Variants in ATRNL1 observed in about 807,000 individuals in gnomAD.
ATRNL1 encodes the protein attractin like 1.
In ATRNL1, 95 loss-of-function variants were observed where a neutral mutation model predicts 182.7. The observed-to-expected ratio is 0.52, with a 90% CI of 0.44 to 0.62. The LOEUF is 0.62. Among genes scored for constraint, ATRNL1 ranks in the 20% least tolerant of loss-of-function variants. ATRNL1 has a pLI of 0.00. For missense variants in ATRNL1, 1,471 were observed against 1,679.5 expected (o/e 0.88, Z 2.17); for synonymous variants, 576 against 568.3 (o/e 1.01, Z -0.19).
chr10:115,428,277 T>G (rs1361146260), intron 21 of ATRNL1, among the ~76,000 whole-genome samples: 1 of 152,104 alleles, frequency 6.6e-6, no homozygotes, highest in African/African-American at 2.4e-5. Context: ...AAAGTCACAT[T>G]TTACTTCTAC....
At chr10:115,358,268 C>T (rs1231095805) in intron 19 of ATRNL1, among the ~76,000 whole-genome samples, 2 of 151,636 alleles carry the variant, frequency 1.3e-5, no homozygotes, top group Non-Finnish European at 3.0e-5. Flanking sequence ...TTCCTAAAAT[C>T]ATTCAAAAAA....
chr10:115,205,904 A>C (rs534704798), intron 8 of ATRNL1, among the ~76,000 whole-genome samples: 1 of 152,204 alleles, frequency 6.6e-6, no homozygotes, highest in South Asian at 2.1e-4. Flanking sequence ...ATTTACCCAG[A>C]AATTTACCAT....
intron 19 of ATRNL1, among the ~76,000 whole-genome samples, chr10:115,366,381 C>T (rs1189452577): frequency 6.6e-6 from 1 of 151,964 alleles, no homozygotes; most frequent in Non-Finnish European, 1.5e-5. Flanking sequence ...GTAGATCTTC[C>T]TCCATCCTTT....
intron 28 of ATRNL1, among the ~76,000 whole-genome samples, chr10:115,890,753 G>A (rs1412210054): frequency 6.6e-6 from 1 of 152,152 alleles, no homozygotes; most frequent in African/African-American, 2.4e-5. Context: ...CATATGCAGA[G>A]ATATTTTATC....
At chr10:115,572,143 T>G (rs1343925803) in intron 26 of ATRNL1, among the ~76,000 whole-genome samples, 1 of 152,172 alleles carries the variant, frequency 6.6e-6, no homozygotes, top group Admixed American at 6.5e-5. Flanking sequence ...TATATTACTC[T>G]AAATATATTA....
At chr10:115,226,564 A>C (rs1429319221) in intron 9 of ATRNL1, among the ~76,000 whole-genome samples, 1 of 61,744 alleles carries the variant, frequency 1.6e-5, no homozygotes, top group African/African-American at 9.8e-5. Flanking sequence ...CCAGAATTAG[A>C]AAAAAAAAAA....
At chr10:115,542,974 A>T (rs1711661041) in intron 25 of ATRNL1, among the ~76,000 whole-genome samples, 1 of 152,146 alleles carries the variant, frequency 6.6e-6, no homozygotes, top group South Asian at 2.1e-4. Context: ...TATAAACTTC[A>T]TTTAAACCTA....
intron 19 of ATRNL1, among the ~76,000 whole-genome samples, chr10:115,363,207 G>A (rs1386117372): frequency 1.9e-4 from 28 of 151,098 alleles, no homozygotes; most frequent in Non-Finnish European, 1.3e-4. Flanking sequence ...TTTAATGATC[G>A]CCATTCTAAA....
chr10:115,151,994 T>A lies in ATRNL1; in HGVS notation c.830-8046T>A, dbSNP rs138644716. On this transcript the variant is annotated intron_variant, in intron 5 of 28. Transcript: ENST00000355044. ...GAATCCTTTCCCCATTAATTGTTTTTGTCAGGTTTGTCAAAGATCAGATGG... is the reference window on the plus strand; with the variant it reads ...GAATCCTTTCCCCATTAATTGTTTTAGTCAGGTTTGTCAAAGATCAGATGG... 4.6e-3 allele frequency among the ~76,000 whole-genome samples: 703 copies of A among 152,322 alleles called. 4 individuals carry two copies. The highest frequency in any genetic ancestry group is 0.015 in the African/African-American group (614 of 41,566).
At chr10:115,894,811 T>C (rs1169268010) in intron 28 of ATRNL1, among the ~76,000 whole-genome samples, 2 of 152,158 alleles carry the variant, frequency 1.3e-5, no homozygotes. Flanking sequence ...TCCGGCAGAC[T>C]GAAGTAACAT....
At chr10:115,276,326 C>A (rs2133911082) in intron 13 of ATRNL1, among the ~76,000 whole-genome samples, 1 of 152,222 alleles carries the variant, frequency 6.6e-6, no homozygotes, top group East Asian at 1.9e-4. Flanking sequence ...ACATTCAGTC[C>A]ATGACAGACA....
intron 28 of ATRNL1, among the ~76,000 whole-genome samples, chr10:115,902,699 T>A (rs1188713381): frequency 1.3e-5 from 2 of 152,216 alleles, no homozygotes; most frequent in Non-Finnish European, 1.5e-5. Context: ...TTGAGGAAAA[T>A]CAGCGAATAT....
At chr10:115,565,460 A>G (rs868927951) in intron 26 of ATRNL1, among the ~76,000 whole-genome samples, 1 of 152,032 alleles carries the variant, frequency 6.6e-6, no homozygotes, top group Non-Finnish European at 1.5e-5. Flanking sequence ...ATGTAATTGC[A>G]TGGTTATTAT....
At chr10:115,548,869 CCT>C (rs1852812689) in intron 25 of ATRNL1, among the ~76,000 whole-genome samples, 1 of 152,046 alleles carries the variant, frequency 6.6e-6, no homozygotes, top group Admixed American at 6.6e-5. Flanking sequence ...CCCCTGCACT[CCT>C]CTCCCAGTTC....
intron 20 of ATRNL1, among the ~76,000 whole-genome samples, chr10:115,407,516 A>T (rs577309554): frequency 6.6e-6 from 1 of 151,810 alleles, no homozygotes; most frequent in Non-Finnish European, 1.5e-5. Context: ...ATTTCACTTC[A>T]TGTAATGTCT....
chr10:115,175,309 A>G (rs1847460193), intron 8 of ATRNL1, among the ~76,000 whole-genome samples: 1 of 152,070 alleles, frequency 6.6e-6, no homozygotes. Flanking sequence ...CTATGGGTTT[A>G]TTCTGATCAA....
intron 20 of ATRNL1, among the ~76,000 whole-genome samples, chr10:115,407,887 G>A (rs1255484413): frequency 2.0e-5 from 3 of 150,992 alleles, no homozygotes; most frequent in Admixed American, 6.6e-5. Context: ...CATCCCCACC[G>A]GCATCTTATA....
intron 8 of ATRNL1, among the ~76,000 whole-genome samples, chr10:115,209,463 A>G (rs1592263174): frequency 6.7e-6 from 1 of 149,048 alleles, no homozygotes; most frequent in Admixed American, 6.8e-5. Flanking sequence ...TGTGGCAGGA[A>G]GTGTTTTCTA....
chr10:115,403,433 G>A (rs782519080), intron 20 of ATRNL1, among the ~76,000 whole-genome samples: 6 of 151,754 alleles, frequency 4.0e-5, no homozygotes, highest in South Asian at 2.1e-4. Context: ...TAGTGACTAT[G>A]GTCTTCAAAT....
Sources: allele counts gnomAD v4.1 joint callset (sites outside exome capture counted in the v4.1 genomes callset), GRCh38; gene constraint gnomAD v4.1.1; transcripts MANE v1.5; gene names NCBI Gene and HGNC (gene_info 2026-07-23, HGNC 2026-07-21).